OLFM3: variants seen among roughly 807,000 people sequenced by gnomAD.
OLFM3 encodes olfactomedin 3, also known as noelin-3.
In OLFM3, 20 loss-of-function variants were observed where a neutral mutation model predicts 48.6. The observed-to-expected ratio is 0.41, with a 90% confidence interval of 0.29 to 0.60. The LOEUF (loss-of-function observed/expected upper bound fraction) is 0.60. Among genes scored for constraint, OLFM3 ranks in the 20% least tolerant of loss-of-function variants. The pLI, the probability that OLFM3 is intolerant of heterozygous loss-of-function variation, is 0.28. For missense variants in OLFM3, 437 were observed against 544.3 expected, an observed-to-expected ratio of 0.80 and a Z score of 1.96; for synonymous variants, 222 against 198.1, an observed-to-expected ratio of 1.12 and a Z score of -1.01.
chr1:101,827,101 A>G (rs1392373522), intron 3 of OLFM3, among the ~76,000 whole-genome samples: 1 of 152,248 alleles, frequency 6.6e-6, no homozygotes, highest in Non-Finnish European at 1.5e-5. Flanking sequence ...GTAGAATAGC[A>G]TAGACCTGTG....
intron 1 of OLFM3, among the ~76,000 whole-genome samples, chr1:101,992,276 AC>A (rs1270416718): frequency 1.3e-5 from 2 of 152,228 alleles, no homozygotes; most frequent in African/African-American, 4.8e-5. Context: ...GAAAGGTGAT[AC>A]CATTTAACTG....
In OLFM3 at chr1:101,911,200, C is replaced by T. The variant is rs374718653; in HGVS notation, c.70-74175G>A. 1.1e-4 allele frequency among the ~76,000 whole-genome samples: 17 copies of T among 152,038 alleles called. No individual in the cohort carries two copies. In the South Asian group the frequency reaches 3.3e-3, roughly 30 times the overall value. On this transcript the variant is annotated intron_variant, in intron 1 of 5. Coordinates refer to ENST00000370103, the MANE Select transcript of OLFM3 (RefSeq NM_058170.4). ...TCTGGTAGGGCAAAGGCATAATCTTCCATAACTTAAGATAAATATGGTTAT... is the reference window on the plus strand; with the variant it reads ...TCTGGTAGGGCAAAGGCATAATCTTTCATAACTTAAGATAAATATGGTTAT...
rs1481098983 is a variant in OLFM3 at position 101,804,674 on chromosome 1, T to C, written c.941A>G (p.His314Arg). ...AQRSLEYAGF[H>R]NVYPYTWGGF... ...ACCCCATGTGTAGGGGTAAACATTA[T>C]GAAAACCAGCATACTCCAGGCTTCG... The change falls in exon 6 of 6, where the codon CAT (histidine) becomes CGT (arginine). Residue 314 changes from histidine (H) to arginine (R), a missense_variant. Physicochemically the swap from His to Arg is conservative, Grantham distance 29. Around this residue, in one of 3 missense-constraint regions of OLFM3, gnomAD observed 15 missense variants for 43.0 expected, o/e 0.35. Coordinates refer to ENST00000370103, the MANE Select transcript of OLFM3 (RefSeq NM_058170.4). The surrounding 1 kb of genome is among the most constrained non-coding windows in gnomAD (Gnocchi z 4.5). 6.2e-7 allele frequency: 1 copy of C among 1,612,472 alleles called. No individual in the cohort carries two copies. The highest frequency in any genetic ancestry group is 8.5e-7 in the Non-Finnish European group (1 of 1,179,170).
In OLFM3 at chr1:101,979,310, C is replaced by T. The variant is rs527743634; in HGVS notation, c.69+17438G>A. 9.2e-5 allele frequency among the ~76,000 whole-genome samples: 14 copies of T among 152,210 alleles called. No homozygotes were observed. In the South Asian group the frequency reaches 1.7e-3, roughly 18 times the overall value. ...TTTCCCTTGAGTAAAATATGACCAC[C>T]GATATGGTTTGGCTCTGTGTCCCCA... On this transcript the variant is annotated intron_variant, in intron 1 of 5. Coordinates refer to ENST00000370103, the MANE Select transcript of OLFM3 (RefSeq NM_058170.4).
At position 101,912,410 on chromosome 1, in the gene OLFM3, A is replaced by G. The variant is rs549200526; in HGVS notation, c.70-75385T>C. 7.2e-5 allele frequency among the ~76,000 whole-genome samples: 11 copies of G among 152,248 alleles called. No homozygotes were observed. The South Asian group carries it at 1.9e-3, about 26-fold the overall frequency. ...GCTTCTCTGAAGGTCATCAGCAATA[A>G]CTCCATTTGCCATCCATGGAATCTT... On this transcript the variant is annotated intron_variant, in intron 1 of 5. Transcript: ENST00000370103.
At position 101,803,970 on chromosome 1, in the gene OLFM3, T is replaced by C; in HGVS notation, c.*268A>G. On this transcript the variant is annotated 3_prime_UTR_variant, in exon 6 of 6. Transcript: ENST00000370103. ...GCAGATCATTAATCTCTTGCAAAAC[T>C]ATGACTTTAGCCACTTAAACTCTTT... 1 of 252,748 alleles carries C rather than the reference T, an allele frequency of 4.0e-6. No homozygotes were observed. The highest frequency in any genetic ancestry group is 7.4e-6 in the Non-Finnish European group (1 of 135,444). 15.7% of individuals were successfully genotyped at this position (252,748 alleles called of 1,614,324 possible). A position where few individuals can be genotyped will look rare whatever the true frequency, so the allele number is the denominator to read the frequency against.
intron 4 of OLFM3, among the ~76,000 whole-genome samples, chr1:101,811,218 C>T (rs961758800): frequency 2.0e-5 from 3 of 151,930 alleles, no homozygotes; most frequent in Non-Finnish European, 2.9e-5. Flanking sequence ...AATTACCAAG[C>T]GGAAACACAA....
chr1:101,883,300 AAT>A (rs1421565002), intron 1 of OLFM3, among the ~76,000 whole-genome samples: 1 of 149,774 alleles, frequency 6.7e-6, no homozygotes, highest in African/African-American at 2.4e-5. Context: ...TACTATATAT[AAT>A]ATATATACAC....
intron 1 of OLFM3, among the ~76,000 whole-genome samples, chr1:101,993,856 AAAC>A (rs1339231118): frequency 6.6e-6 from 1 of 151,932 alleles, no homozygotes; most frequent in East Asian, 1.9e-4. Context: ...AAAAACCTGA[AAAC>A]AATACTGACT....
chr1:101,813,794 A>G (rs780909653), intron 4 of OLFM3, among the ~76,000 whole-genome samples: 4 of 152,132 alleles, frequency 2.6e-5, no homozygotes, highest in African/African-American at 4.8e-5. Context: ...GTCCATCACA[A>G]CTTTTATTCC....
At chr1:101,864,034 C>A (rs918545621) in intron 1 of OLFM3, among the ~76,000 whole-genome samples, 10 of 152,180 alleles carry the variant, frequency 6.6e-5, no homozygotes, top group Non-Finnish European at 1.5e-4. Flanking sequence ...GCCAGTGCCT[C>A]TTCTCTTCTG....
At chr1:101,817,546 A>C (rs1190278361) in intron 4 of OLFM3, among the ~76,000 whole-genome samples, 1 of 152,104 alleles carries the variant, frequency 6.6e-6, no homozygotes, top group Non-Finnish European at 1.5e-5. Flanking sequence ...TTTGGGATTC[A>C]GCAGGAAGAT....
At chr1:101,948,783 T>C (rs1483171070) in intron 1 of OLFM3, among the ~76,000 whole-genome samples, 1 of 150,832 alleles carries the variant, frequency 6.6e-6, no homozygotes, top group Non-Finnish European at 1.5e-5. Context: ...TCTCTAGTTA[T>C]CTTTAGTAAA....
chr1:101,885,337 T>C (rs1478649653), intron 1 of OLFM3, among the ~76,000 whole-genome samples: 1 of 152,062 alleles, frequency 6.6e-6, no homozygotes, highest in African/African-American at 2.4e-5. Flanking sequence ...TATTCAAGAA[T>C]TCCTTTGCTT....
At chr1:101,822,433 G>T (rs571298865) in intron 4 of OLFM3, among the ~76,000 whole-genome samples, 2 of 152,200 alleles carry the variant, frequency 1.3e-5, no homozygotes, top group Admixed American at 1.3e-4. Context: ...CTCACTACAT[G>T]CAATGCCTAT....
chr1:101,996,164 TAATG>T (rs1488340383), intron 1 of OLFM3, among the ~76,000 whole-genome samples: 1 of 152,128 alleles, frequency 6.6e-6, no homozygotes, highest in African/African-American at 2.4e-5. Context: ...CTAATTTTCT[TAATG>T]AAAAGGAAGA....
chr1:101,840,594 C>G (rs1038072835), intron 1 of OLFM3, among the ~76,000 whole-genome samples: 1 of 151,970 alleles, frequency 6.6e-6, no homozygotes, highest in South Asian at 2.1e-4. Context: ...CCACAGTTTC[C>G]TGAGTAGCTG....
At chr1:101,902,410 G>A (rs1376944094) in intron 1 of OLFM3, among the ~76,000 whole-genome samples, 2 of 151,892 alleles carry the variant, frequency 1.3e-5, no homozygotes, top group African/African-American at 4.8e-5. Context: ...GTGGAAGCTT[G>A]GAATAGTAGC....
At chr1:101,988,792 A>C (rs187057341) in intron 1 of OLFM3, among the ~76,000 whole-genome samples, 1 of 152,220 alleles carries the variant, frequency 6.6e-6, no homozygotes, top group Non-Finnish European at 1.5e-5. Flanking sequence ...AATACAATAA[A>C]TGAATACATT....
Sources: gnomAD v4.1 joint callset for allele counts (sites outside exome capture counted in the v4.1 genomes callset) on GRCh38, gnomAD v4.1.1 for gene constraint, gnomAD v4.1.1 regional missense constraint, Gnocchi (gnomAD v3.1) non-coding constraint, MANE v1.5 for transcripts, NCBI Gene and HGNC (gene_info 2026-07-23, HGNC 2026-07-21) for gene names.